The following ERBB4 variants were observed in gnomAD, a reference collection of about 807,000 sequenced individuals.
ERBB4 encodes receptor tyrosine-protein kinase erbB-4.
A neutral mutation model predicts 158.0 loss-of-function variants in ERBB4; 42 were observed. The ratio of observed to expected loss-of-function variants is 0.27; its 90% CI spans 0.21 to 0.34. The LOEUF (loss-of-function observed/expected upper bound fraction) is 0.34. Among genes scored for constraint, ERBB4 ranks in the 10% least tolerant of loss-of-function variants. The pLI is 1.00. For synonymous variants in ERBB4, 583 were observed against 558.7 expected (o/e 1.04, Z -0.61); for missense variants, 1,333 against 1,624.1 (o/e 0.82, Z 3.08).
intron 19 of ERBB4, among the ~76,000 whole-genome samples, chr2:211,575,689 C>A (rs551648526): frequency 6.6e-6 from 1 of 152,158 alleles, no homozygotes; most frequent in South Asian, 2.1e-4. Context: ...AACTTAATAA[C>A]AAGCAACTCG....
At chr2:212,454,691 T>C (rs1014330349) in intron 1 of ERBB4, among the ~76,000 whole-genome samples, 1 of 152,218 alleles carries the variant, frequency 6.6e-6, no homozygotes, top group African/African-American at 2.4e-5. Context: ...TAAATTTATA[T>C]TTCCTCCAGT....
intron 1 of ERBB4, among the ~76,000 whole-genome samples, chr2:212,364,559 G>A (rs1375661005): frequency 6.6e-6 from 1 of 151,738 alleles, no homozygotes; most frequent in East Asian, 1.9e-4. Context: ...CATTAAAGAA[G>A]CTGAATCAGC....
rs545137757 is a variant in ERBB4 at position 211,816,241 on chromosome 2, T to C, written c.422-28082A>G. 1.2e-4 allele frequency among the ~76,000 whole-genome samples: 18 copies of C among 152,196 alleles called. 1 individual carries two copies. The South Asian group carries it at 3.7e-3, about 32-fold the overall frequency. On this transcript the variant is annotated intron_variant, in intron 3 of 27. Transcript: ENST00000342788. Reference sequence around the variant, plus strand: ...TTTAGCTGTTAATAAAATATCAGTTTTCATATAAAGATAACTTGGCCAGGC... The same window carrying C: ...TTTAGCTGTTAATAAAATATCAGTTCTCATATAAAGATAACTTGGCCAGGC...
chr2:211,735,545 C>T (rs1311992938), intron 5 of ERBB4, among the ~76,000 whole-genome samples: 1 of 152,150 alleles, frequency 6.6e-6, no homozygotes, highest in Non-Finnish European at 1.5e-5. Flanking sequence ...TGCATTACGT[C>T]TCTGAAAAAC....
At chr2:212,289,924 C>T (rs2106176679) in intron 1 of ERBB4, among the ~76,000 whole-genome samples, 1 of 152,262 alleles carries the variant, frequency 6.6e-6, no homozygotes, top group East Asian at 1.9e-4. Context: ...CCAAATCTTT[C>T]AGCCTTGCAG....
intron 2 of ERBB4, among the ~76,000 whole-genome samples, chr2:212,096,397 C>T (rs1003010079): frequency 6.6e-6 from 1 of 151,978 alleles, no homozygotes; most frequent in Non-Finnish European, 1.5e-5. Flanking sequence ...CCTTAGAGAA[C>T]TTGGTGAAAA....
chr2:212,487,693 A>G (rs1249333020), intron 1 of ERBB4, among the ~76,000 whole-genome samples: 1 of 152,124 alleles, frequency 6.6e-6, no homozygotes, highest in South Asian at 2.1e-4. Flanking sequence ...TAAAGGAAGA[A>G]CGAGAGAAAT....
chr2:211,813,627 T>C (rs1025077633), intron 3 of ERBB4, among the ~76,000 whole-genome samples: 2 of 152,220 alleles, frequency 1.3e-5, no homozygotes, highest in Non-Finnish European at 2.9e-5. Flanking sequence ...TGGGAGTTTT[T>C]TTCCCCTTTG....
At chr2:211,443,173 A>C (rs1021150074) in intron 20 of ERBB4, among the ~76,000 whole-genome samples, 1 of 152,126 alleles carries the variant, frequency 6.6e-6, no homozygotes, top group Non-Finnish European at 1.5e-5. Context: ...AATTCCCAGC[A>C]GTAATAAATA....
chr2:211,750,492 C>A, intron 5 of ERBB4, 147 bp downstream of exon 5: 1 of 714,376 alleles, frequency 1.4e-6, no homozygotes, highest in Non-Finnish European at 2.6e-6. Flanking sequence ...CAATGAAAAT[C>A]GGGTAGTTTT....
intron 1 of ERBB4, among the ~76,000 whole-genome samples, chr2:212,422,843 AG>A (rs1483080587): frequency 3.3e-5 from 5 of 152,320 alleles, no homozygotes; most frequent in Admixed American, 2.6e-4. Flanking sequence ...GAACCACCTA[AG>A]GTAAATATAA....
chr2:211,546,851 C>T (rs1187562211), intron 20 of ERBB4, among the ~76,000 whole-genome samples: 2 of 151,942 alleles, frequency 1.3e-5, no homozygotes, highest in Non-Finnish European at 1.5e-5. Context: ...AAAACACAAA[C>T]GTTCAGAAGA....
intron 2 of ERBB4, among the ~76,000 whole-genome samples, chr2:211,976,216 T>A (rs998152444): frequency 6.6e-6 from 1 of 152,180 alleles, no homozygotes; most frequent in East Asian, 1.9e-4. Flanking sequence ...AAATCTGTAA[T>A]AAAGTATAAC....
chr2:211,826,758 T>G (rs951208192), intron 3 of ERBB4, among the ~76,000 whole-genome samples: 1 of 152,028 alleles, frequency 6.6e-6, no homozygotes, highest in Non-Finnish European at 1.5e-5. Context: ...TAAAGGAAGC[T>G]GACTAATTCT....
chr2:212,321,945 G>A (rs1429039813), intron 1 of ERBB4, among the ~76,000 whole-genome samples: 2 of 150,042 alleles, frequency 1.3e-5, no homozygotes, highest in African/African-American at 2.4e-5. Context: ...TTGCCTTCCT[G>A]TGGTTGACAG....
chr2:212,330,183 T>C (rs940484821), intron 1 of ERBB4, among the ~76,000 whole-genome samples: 1 of 151,822 alleles, frequency 6.6e-6, no homozygotes, highest in African/African-American at 2.4e-5. Flanking sequence ...CTGGATACTA[T>C]ACTCCTCTGA....
At position 212,366,194 on chromosome 2, in the gene ERBB4, T is replaced by A. The variant is rs1207526994; in HGVS notation, c.82+172255A>T. Among the ~76,000 whole-genome samples the A allele has an allele frequency of 2.0e-5, 3 of 151,940 alleles. No homozygotes were observed. In the East Asian group the frequency reaches 5.8e-4, roughly 29 times the overall value. The stretch of plus-strand genomic sequence containing the variant: ...ATAAGAATGAAGTTGAAACAAGTAT[T>A]AGAGTATGTTCTGTGATGCTTACTA... On this transcript the variant is annotated intron_variant, in intron 1 of 27. Coordinates refer to ENST00000342788, the MANE Select transcript of ERBB4 (RefSeq NM_005235.3).
chr2:211,964,603 A>C (rs191741909), intron 2 of ERBB4, among the ~76,000 whole-genome samples: 1 of 152,262 alleles, frequency 6.6e-6, no homozygotes, highest in East Asian at 1.9e-4. Context: ...TAATTTCCTT[A>C]AGCAGGTTCC....
At chr2:211,898,541 T>G (rs530795608) in intron 3 of ERBB4, among the ~76,000 whole-genome samples, 2 of 152,246 alleles carry the variant, frequency 1.3e-5, no homozygotes, top group Non-Finnish European at 2.9e-5. Context: ...TGACGTCTAT[T>G]CAAAAACCAT....
Sources: allele counts gnomAD v4.1 joint callset (sites outside exome capture counted in the v4.1 genomes callset), GRCh38; gene constraint gnomAD v4.1.1; transcripts MANE v1.5; gene names NCBI Gene and HGNC (gene_info 2026-07-23, HGNC 2026-07-21).